Variants in ZPBP observed in about 807,000 individuals in gnomAD.
The protein encoded by ZPBP is zona pellucida binding protein, also known as zona pellucida-binding protein 1.
In ZPBP, 26 loss-of-function variants were observed where a neutral mutation model predicts 44.8. That is an observed-to-expected ratio of 0.58 (90% CI 0.43 to 0.81). The LOEUF (loss-of-function observed/expected upper bound fraction) is 0.81. Among genes scored for constraint, ZPBP ranks in the 30% least tolerant of loss-of-function variants. The pLI is 0.00. For missense variants in ZPBP, 409 were observed against 434.0 expected (o/e 0.94, Z 0.51); for synonymous variants, 174 against 153.2 (o/e 1.14, Z -1.00).
intron 6 of ZPBP, among the ~76,000 whole-genome samples, chr7:50,000,431 G>C (rs1274908254): frequency 2.0e-5 from 3 of 152,028 alleles, no homozygotes; most frequent in Non-Finnish European, 4.4e-5. Context: ...GCACCAACTT[G>C]ATTTATATTC....
intron 5 of ZPBP, among the ~76,000 whole-genome samples, chr7:50,027,719 A>T (rs897707073): frequency 1.3e-5 from 2 of 152,000 alleles, no homozygotes; most frequent in African/African-American, 4.8e-5. Flanking sequence ...CACATAGAGA[A>T]ATCAAAGTAG....
intron 2 of ZPBP, among the ~76,000 whole-genome samples, chr7:49,900,857 C>A (rs759701157): frequency 6.6e-5 from 10 of 151,910 alleles, no homozygotes; most frequent in Admixed American, 1.3e-4. Context: ...ATGCAAAAAT[C>A]CTCAACAAAC....
chr7:50,089,806 C>G, intron 1 of ZPBP, 97 bp from the exon 2 acceptor site: 1 of 940,786 alleles, frequency 1.1e-6, no homozygotes, highest in Non-Finnish European at 1.7e-6. Flanking sequence ...AAGGGGAGAG[C>G]CATAATTCAA....
chr7:50,005,823 ATGTGTG>A (rs71018444), intron 6 of ZPBP, among the ~76,000 whole-genome samples: 29,910 of 144,646 alleles, frequency 0.21, 3,253 homozygotes, highest in East Asian at 0.42. Flanking sequence ...ATAACTATAT[ATGTGTG>A]TGTGTGTGTG....
At chr7:50,081,975 T>A in intron 2 of ZPBP, 76 bp from the exon 3 acceptor site, 1 of 1,543,590 alleles carries the variant, frequency 6.5e-7, no homozygotes, top group Non-Finnish European at 8.8e-7. Context: ...ACTTTTGTAG[T>A]TTGGGTTACA....
rs145655593 is a variant in ZPBP, at chr7:49,944,313, T to A, written c.962-6691A>T. The A allele has an allele frequency of 2.0e-3, 550 of 269,716 alleles. 1 individual carries two copies. The highest frequency in any genetic ancestry group is 0.011 in the African/African-American group (488 of 43,654). The allele number at this position is 269,716 out of a possible 1,614,324, so 16.7% of individuals were successfully genotyped here. ...TTCTTGTATTTCTTTTGCCTGTACA[T>A]ATTCAGGCCTGAGACTGTGGCCTGG... On this transcript the variant is annotated intron_variant, in intron 7 of 7. Coordinates refer to ENST00000046087, the MANE Select transcript of ZPBP (RefSeq NM_007009.3).
chr7:49,943,822 T>C (rs1279070731), intron 7 of ZPBP: 2 of 239,624 alleles, frequency 8.3e-6, no homozygotes, highest in African/African-American at 4.7e-5. Flanking sequence ...TCATCCTATA[T>C]TCCTTTGGAC....
intron 7 of ZPBP, among the ~76,000 whole-genome samples, chr7:49,963,064 C>G (rs1167861578): frequency 6.6e-6 from 1 of 151,262 alleles, no homozygotes; most frequent in Non-Finnish European, 1.5e-5. Context: ...TTTGAACAAA[C>G]AGTTCAGAGA....
intron 3 of ZPBP, among the ~76,000 whole-genome samples, chr7:50,059,677 T>C (rs1801148522): frequency 6.6e-6 from 1 of 152,184 alleles, no homozygotes; most frequent in South Asian, 2.1e-4. Context: ...TACATATTCC[T>C]TGGCAATCAT....
intron 1 of ZPBP, 100 bp from the exon 2 acceptor site, chr7:50,089,809 T>C (rs2128857820): frequency 2.3e-6 from 2 of 879,420 alleles, no homozygotes; most frequent in South Asian, 2.9e-5. Flanking sequence ...GGGAGAGCCA[T>C]AATTCAATCT....
intron 1 of ZPBP, chr7:49,915,728 A>G (rs1251218914): frequency 1.3e-5 from 2 of 152,198 alleles, no homozygotes; most frequent in Admixed American, 6.5e-5. Flanking sequence ...AATATTAACA[A>G]TTTGCTAAAT....
At chr7:50,027,063 T>C (rs931710469) in intron 5 of ZPBP, among the ~76,000 whole-genome samples, 2 of 152,106 alleles carry the variant, frequency 1.3e-5, no homozygotes, top group East Asian at 3.9e-4. Flanking sequence ...CCATTGAACA[T>C]GTGCTCAACC....
chr7:50,031,127 G>C lies in ZPBP; in HGVS notation c.671C>G (p.Ala224Gly). 6.2e-7 allele frequency: 1 copy of C among 1,613,684 alleles called. No homozygotes were observed. The highest frequency in any genetic ancestry group is 8.5e-7 in the Non-Finnish European group (1 of 1,179,838). The part of the protein sequence containing the change: ...SECHRVKMQR[A>G]GLQNELFFAF... Reference sequence around the variant, plus strand: ...AAAGAACAATTCATTTTGCAAACCAGCTCTTTGCATTTTAACGCGATGGCA... The same window carrying C: ...AAAGAACAATTCATTTTGCAAACCACCTCTTTGCATTTTAACGCGATGGCA... Residue 224 changes from alanine to glycine, a missense_variant, in exon 5 of 8, where the codon GCT becomes GGT. Ala to Gly is a moderately conservative substitution (Grantham distance 60). Around this residue, in one of 2 missense-constraint regions of ZPBP, gnomAD observed 367 missense variants for 363.1 expected, o/e 1.01. Transcript: ENST00000046087.
At chr7:49,972,759 C>A (rs1796349943) in intron 7 of ZPBP, among the ~76,000 whole-genome samples, 1 of 151,918 alleles carries the variant, frequency 6.6e-6, no homozygotes, top group Non-Finnish European at 1.5e-5. Flanking sequence ...TCTCAACGTA[C>A]CACAAATAGA....
downstream of ZPBP, among the ~76,000 whole-genome samples, chr7:49,846,669 C>T (rs1020408697): frequency 2.6e-5 from 4 of 152,172 alleles, no homozygotes; most frequent in Admixed American, 1.3e-4. Flanking sequence ...ACCACAGAGA[C>T]GTTTTCATCA....
In ZPBP at chr7:50,044,610, T is replaced by C. The variant is rs567183727; in HGVS notation, c.488-13300A>G. On this transcript the variant is annotated intron_variant, in intron 4 of 7. Coordinates refer to ENST00000046087, the MANE Select transcript of ZPBP (RefSeq NM_007009.3). ...CTGGACACATACACTCTCCCAAGAC[T>C]AAACCAGGAAGAAATAAAATCCCTG... Among the ~76,000 whole-genome samples, 6 of 152,236 alleles carry C rather than the reference T, an allele frequency of 3.9e-5. No homozygotes were observed. The South Asian group carries it at 6.2e-4, about 16-fold the overall frequency.
chr7:49,974,673 G>C (rs1341293658), intron 7 of ZPBP, among the ~76,000 whole-genome samples: 2 of 151,948 alleles, frequency 1.3e-5, no homozygotes, highest in Non-Finnish European at 2.9e-5. Context: ...AAACAACACA[G>C]AAACAATTGT....
At chr7:50,031,798 T>C (rs987473799) in intron 4 of ZPBP, among the ~76,000 whole-genome samples, 41 of 152,196 alleles carry the variant, frequency 2.7e-4, no homozygotes, top group African/African-American at 9.6e-4. Flanking sequence ...ATTAGTTTTA[T>C]TGAGTTGAGT....
intron 3 of ZPBP, among the ~76,000 whole-genome samples, chr7:50,063,447 A>G (rs1341749605): frequency 6.6e-6 from 1 of 152,228 alleles, no homozygotes; most frequent in Admixed American, 6.5e-5. Flanking sequence ...AATGCCATCA[A>G]CTGCACAGTA....
Sources: allele counts gnomAD v4.1 joint callset (sites outside exome capture counted in the v4.1 genomes callset), GRCh38; gene constraint gnomAD v4.1.1; regional missense constraint gnomAD v4.1.1; transcripts MANE v1.5; gene names NCBI Gene and HGNC (gene_info 2026-07-23, HGNC 2026-07-21).